Variants in RYR2 observed in about 807,000 individuals in gnomAD.
RYR2 encodes the protein ryanodine receptor 2.
A neutral mutation model predicts 601.1 loss-of-function variants in RYR2; 227 were observed. The observed-to-expected ratio is 0.38, with a 90% CI of 0.34 to 0.42. RYR2 has a LOEUF of 0.42. Among genes scored for constraint, RYR2 ranks in the 10% least tolerant of loss-of-function variants. RYR2 has a pLI of 1.00. For missense variants in RYR2, 4,646 were observed against 6,156.5 expected (o/e 0.75, Z 8.21); for synonymous variants, 2,223 against 2,175.1 (o/e 1.02, Z -0.61).
rs540600522 is a variant in RYR2 at position 237,777,655 on chromosome 1, C to T, written c.11776-1011C>T. 2.0e-5 allele frequency among the ~76,000 whole-genome samples: 3 copies of T among 152,244 alleles called. No individual in the cohort carries two copies. In the South Asian group the frequency reaches 6.2e-4, roughly 32 times the overall value. On this transcript the variant is annotated intron_variant, in intron 87 of 104. Transcript: ENST00000366574. The stretch of plus-strand genomic sequence containing the variant: ...AAAACAGAAATTGGCTCCATGAAAA[C>T]AGTCTGCGTGCTACAGCGGATCCAC...
intron 17 of RYR2, among the ~76,000 whole-genome samples, chr1:237,476,757 A>C (rs563929810): frequency 6.6e-6 from 1 of 152,080 alleles, no homozygotes; most frequent in South Asian, 2.1e-4. Context: ...CCTCCTTGAT[A>C]TTTACTTAAG....
At chr1:237,128,916 G>A (rs1027686163) in intron 1 of RYR2, among the ~76,000 whole-genome samples, 4 of 151,924 alleles carry the variant, frequency 2.6e-5, no homozygotes, top group African/African-American at 9.7e-5. Flanking sequence ...TGTTAAAGAA[G>A]ACTTTAAGGT....
chr1:237,540,795 A>C (rs1468843914), intron 25 of RYR2, among the ~76,000 whole-genome samples: 2 of 152,004 alleles, frequency 1.3e-5, no homozygotes, highest in African/African-American at 4.8e-5. Flanking sequence ...TTCCCAACAC[A>C]GCCTTAGCCC....
chr1:237,747,922 T>C (rs1411980776), intron 80 of RYR2, among the ~76,000 whole-genome samples: 1 of 152,160 alleles, frequency 6.6e-6, no homozygotes, highest in Non-Finnish European at 1.5e-5. Flanking sequence ...TTCATGCTAT[T>C]GAATCATAGA....
At position 237,660,723 on chromosome 1, in the gene RYR2, A is replaced by G. The variant is rs1683701664; in HGVS notation, c.8299-87A>G. ...TGCTCATCAAATTTTTAAAAAGTGAAGGCAGTCTATTTTAGAGCAAAGCGT... is the reference window on the plus strand; with the variant it reads ...TGCTCATCAAATTTTTAAAAAGTGAGGGCAGTCTATTTTAGAGCAAAGCGT... On this transcript the variant is annotated intron_variant, in intron 55 of 104. Transcript: ENST00000366574. The G allele has an allele frequency of 7.6e-6, 9 of 1,185,294 alleles. No individual in the cohort carries two copies. In the South Asian group the frequency reaches 7.8e-5, roughly 10 times the overall value. 73.4% of individuals were successfully genotyped at this position (1,185,294 alleles called of 1,614,324 possible).
intron 1 of RYR2, among the ~76,000 whole-genome samples, chr1:237,081,280 T>TAAAAAAAAAAA (rs397815900): frequency 1.8e-5 from 1 of 56,258 alleles, no homozygotes; most frequent in Non-Finnish European, 4.4e-5. Context: ...TAGAGTATAA[T>TAAAAAAAAAAA]AAAAAAAAAA....
At chr1:237,585,023 T>C (rs2997969) in intron 29 of RYR2, among the ~76,000 whole-genome samples, 133,956 of 151,824 alleles carry the variant, frequency 0.88, 61,485 homozygotes, top group East Asian at 1. Context: ...AGGCATGAAC[T>C]ACTGCCTTGG....
chr1:237,183,653 A>T (rs1156335695), intron 1 of RYR2, among the ~76,000 whole-genome samples: 2 of 152,242 alleles, frequency 1.3e-5, no homozygotes, highest in African/African-American at 4.8e-5. Context: ...CTTTGGAGAT[A>T]ACCTCAGAAC....
intron 1 of RYR2, among the ~76,000 whole-genome samples, chr1:237,141,048 C>T (rs1218595113): frequency 6.6e-6 from 1 of 152,196 alleles, no homozygotes; most frequent in Non-Finnish European, 1.5e-5. Flanking sequence ...TTCTGCAATG[C>T]ACAATCTTGT....
At chr1:237,183,637 G>A (rs1368577110) in intron 1 of RYR2, among the ~76,000 whole-genome samples, 1 of 152,124 alleles carries the variant, frequency 6.6e-6, no homozygotes, top group Admixed American at 6.6e-5. Flanking sequence ...TGAGTTTTGG[G>A]GGACTCTTTG....
chr1:237,258,167 TAA>T (rs5781947), intron 1 of RYR2, among the ~76,000 whole-genome samples: 193 of 108,214 alleles, frequency 1.8e-3, no homozygotes, highest in South Asian at 4.0e-3. Context: ...AGACTCCATC[TAA>T]AAAAAAAAAA....
At chr1:237,444,728 T>C (rs1314711567) in intron 13 of RYR2, among the ~76,000 whole-genome samples, 1 of 152,190 alleles carries the variant, frequency 6.6e-6, no homozygotes, top group Non-Finnish European at 1.5e-5. Flanking sequence ...CTTGTGAAAA[T>C]CATGGAACTG....
chr1:237,285,395 A>T (rs569468771), intron 2 of RYR2, among the ~76,000 whole-genome samples: 1 of 152,196 alleles, frequency 6.6e-6, no homozygotes, highest in South Asian at 2.1e-4. Flanking sequence ...ATCATGGTAG[A>T]TTATCTTTTT....
chr1:237,416,298 G>A (rs1704973931), intron 10 of RYR2, among the ~76,000 whole-genome samples: 1 of 152,150 alleles, frequency 6.6e-6, no homozygotes, highest in African/African-American at 2.4e-5. Context: ...CTATAGAGAG[G>A]AAGACAGTTA....
intron 49 of RYR2, 136 bp downstream of exon 49, chr1:237,648,749 C>T (rs1335591961): frequency 3.9e-6 from 4 of 1,021,988 alleles, no homozygotes; most frequent in Non-Finnish European, 5.5e-6. Flanking sequence ...TCAGGTAAGC[C>T]ATGGGTAAAC....
chr1:237,321,384 T>C (rs1266745865), intron 2 of RYR2, among the ~76,000 whole-genome samples: 1 of 152,198 alleles, frequency 6.6e-6, no homozygotes, highest in African/African-American at 2.4e-5. Context: ...GATTTTATTA[T>C]ACTTCATTGT....
intron 98 of RYR2, among the ~76,000 whole-genome samples, chr1:237,805,600 A>G (rs1244327795): frequency 0.15 from 20,815 of 136,974 alleles, 2,458 homozygotes; most frequent in East Asian, 0.46. Flanking sequence ...AAAAAAAAAA[A>G]AAAAAGTATA....
intron 27 of RYR2, among the ~76,000 whole-genome samples, chr1:237,558,824 C>G (rs779073633): frequency 1.3e-5 from 2 of 152,108 alleles, no homozygotes; most frequent in Non-Finnish European, 2.9e-5. Context: ...TCATACTTGA[C>G]TAACGGACTT....
intron 47 of RYR2, among the ~76,000 whole-genome samples, chr1:237,641,535 CTTTTCTCTCTTTT>C (rs1681537306): frequency 7.6e-6 from 1 of 131,470 alleles, no homozygotes; most frequent in African/African-American, 2.9e-5. Context: ...CTTTTTCTTT[CTTTTCTCTCTTTT>C]TTTTTTTAAT....
Sources: allele counts gnomAD v4.1 joint callset (sites outside exome capture counted in the v4.1 genomes callset), GRCh38; gene constraint gnomAD v4.1.1; transcripts MANE v1.5; gene names NCBI Gene and HGNC (gene_info 2026-07-23, HGNC 2026-07-21).